IARS2: variants seen among roughly 807,000 people sequenced by gnomAD.
The protein encoded by IARS2 is isoleucyl-tRNA synthetase 2, mitochondrial, also known as isoleucine--tRNA ligase, mitochondrial.
IARS2 carries 56 observed loss-of-function variants against 126.3 expected under a neutral mutation model. The ratio of observed to expected loss-of-function variants is 0.44; its 90% CI spans 0.36 to 0.55. IARS2 has a LOEUF of 0.55. Ranked by LOEUF, IARS2 falls within the 20% of genes least tolerant of loss-of-function variation. IARS2 has a pLI of 0.00. For synonymous variants in IARS2, 407 were observed against 441.1 expected (o/e 0.92, Z 0.97); for missense variants, 1,127 against 1,245.9 (o/e 0.90, Z 1.44).
intron 21 of IARS2, 36 bp downstream of exon 21, chr1:220,143,170 G>C (rs1354941010): frequency 6.7e-7 from 1 of 1,497,868 alleles, no homozygotes; most frequent in Admixed American, 1.8e-5. Flanking sequence ...AATGGTGTTA[G>C]TATCATAGAG....
intron 20 of IARS2, among the ~76,000 whole-genome samples, 153 bp from the exon 21 acceptor site, chr1:220,142,791 G>T (rs560652533): frequency 1.3e-5 from 2 of 151,142 alleles, no homozygotes; most frequent in Non-Finnish European, 2.9e-5. Flanking sequence ...TAAATGTTTT[G>T]TAAATAATTA....
chr1:220,100,618 G>C lies in IARS2; in HGVS notation c.519G>C (p.Gln173His). The C allele has an allele frequency of 6.2e-7, 1 of 1,610,266 alleles. No homozygotes were observed. Among genetic ancestry groups the C allele is most frequent in the Non-Finnish European group, 8.5e-7 (1 of 1,177,800 alleles). The change falls in exon 3 of 23, where the codon CAG becomes CAC. Residue 173 changes from glutamine to histidine, a missense_variant. By Grantham distance (24) the Gln-to-His change is conservative. Coordinates refer to ENST00000366922, the MANE Select transcript of IARS2 (RefSeq NM_018060.4). ...TATCAGAACTTGGTAGAGAAGCTCA[G>C]AATCTTTCAGCTATGGAAATTAGAA... ...KVLSELGREA[Q>H]NLSAMEIRKK... is the part of the protein sequence containing the mutation.
chr1:220,103,240 G>T (rs945297517), intron 7 of IARS2, among the ~76,000 whole-genome samples: 1 of 152,048 alleles, frequency 6.6e-6, no homozygotes, highest in Non-Finnish European at 1.5e-5. Flanking sequence ...TAGAGATGGG[G>T]TTTCTCTATG....
At chr1:220,127,495 T>A (rs1293939156) in intron 14 of IARS2, among the ~76,000 whole-genome samples, 1 of 152,162 alleles carries the variant, frequency 6.6e-6, no homozygotes, top group African/African-American at 2.4e-5. Flanking sequence ...TGAGAAGAAA[T>A]ATTTTTAAGG....
At chr1:220,133,140 A>C (rs2102836400) in intron 14 of IARS2, among the ~76,000 whole-genome samples, 1 of 151,688 alleles carries the variant, frequency 6.6e-6, no homozygotes, top group African/African-American at 2.4e-5. Context: ...CCTCCCAAGT[A>C]GCTGGGATTA....
chr1:220,106,011 C>T lies in IARS2; in HGVS notation c.1187C>T (p.Ala396Val). ...KGTGLVHTAP[A>V]HGMEDYGVAS... is the part of the protein sequence containing the mutation. Reference sequence around the variant, plus strand: ...ACGGGATTGGTTCACACAGCCCCAGCTCATGGTATGGAAGACTACGGTGTA... The same window carrying T: ...ACGGGATTGGTTCACACAGCCCCAGTTCATGGTATGGAAGACTACGGTGTA... Residue 396 changes from alanine to valine, a missense_variant, in exon 9 of 23, where the codon GCT becomes GTT. By Grantham distance (64) the Ala-to-Val change is moderately conservative (BLOSUM62 0). Transcript: ENST00000366922. 6.2e-7 allele frequency: 1 copy of T among 1,614,134 alleles called. No individual in the cohort carries two copies. The highest frequency in any genetic ancestry group is 1.6e-4 in the Middle Eastern group (1 of 6,062).
At chr1:220,105,822 A>G in intron 8 of IARS2, 69 bp from the exon 9 acceptor site, 1 of 1,327,160 alleles carries the variant, frequency 7.5e-7, no homozygotes, top group Non-Finnish European at 1.1e-6. Flanking sequence ...CTGATACTCT[A>G]TTGCTAAGCT....
chr1:220,130,151 A>G (rs942304927), intron 14 of IARS2, among the ~76,000 whole-genome samples: 4 of 152,196 alleles, frequency 2.6e-5, no homozygotes, highest in Non-Finnish European at 5.9e-5. Flanking sequence ...GTCCATTCAT[A>G]TGACATCCTT....
intron 2 of IARS2, 47 bp from the exon 3 acceptor site, chr1:220,100,443 G>A: frequency 1.4e-6 from 2 of 1,428,142 alleles, no homozygotes; most frequent in Non-Finnish European, 1.9e-6. Flanking sequence ...GAAATACATG[G>A]CCAAATATTT....
chr1:220,125,872 C>T (rs193134771), intron 13 of IARS2, among the ~76,000 whole-genome samples: 44 of 151,668 alleles, frequency 2.9e-4, no homozygotes, highest in Middle Eastern at 3.4e-3. Context: ...TTTGGGAGGC[C>T]GAGGCGGGCA....
chr1:220,111,732 T>C (rs1656808594), intron 11 of IARS2, among the ~76,000 whole-genome samples: 1 of 152,140 alleles, frequency 6.6e-6, no homozygotes, highest in African/African-American at 2.4e-5. Flanking sequence ...AAGATACTAC[T>C]GTATTTAGCT....
intron 12 of IARS2, among the ~76,000 whole-genome samples, chr1:220,122,057 A>G (rs985005923): frequency 6.6e-6 from 1 of 152,196 alleles, no homozygotes; most frequent in Admixed American, 6.5e-5. Flanking sequence ...TGCCACTGCA[A>G]TCCAGCTTGG....
At chr1:220,096,882 T>G (rs1656454962) in intron 2 of IARS2, among the ~76,000 whole-genome samples, 1 of 151,986 alleles carries the variant, frequency 6.6e-6, no homozygotes, top group Admixed American at 6.6e-5. Flanking sequence ...CCGTCTCTAC[T>G]AAAAATACAA....
rs1391646087 is a variant in IARS2 at position 220,095,023 on chromosome 1, G to T, written c.267+540G>T. Among the ~76,000 whole-genome samples, 6 of 151,732 alleles carry T rather than the reference G, an allele frequency of 4.0e-5. No individual in the cohort carries two copies. The South Asian group carries it at 1.2e-3, about 32-fold the overall frequency. ...TATGATGAATGAAGGGGAAGTTGAA[G>T]CCCACTTCTTGGATCTTTTAGATCC... is the stretch of plus-strand genomic sequence containing the variant. On this transcript the variant is annotated intron_variant, in intron 1 of 22. Coordinates refer to ENST00000366922, the MANE Select transcript of IARS2 (RefSeq NM_018060.4).
chr1:220,110,253 T>A (rs1454559907), intron 10 of IARS2, among the ~76,000 whole-genome samples: 1 of 152,014 alleles, frequency 6.6e-6, no homozygotes, highest in Non-Finnish European at 1.5e-5. Flanking sequence ...AGAGATGGGG[T>A]TTCACCATGC....
intron 14 of IARS2, among the ~76,000 whole-genome samples, chr1:220,128,709 A>G (rs1657201858): frequency 6.6e-6 from 1 of 152,166 alleles, no homozygotes; most frequent in Non-Finnish European, 1.5e-5. Flanking sequence ...GGTATAGTGT[A>G]TTTCAAAGTG....
chr1:220,116,963 C>G (rs1297894907), intron 12 of IARS2, among the ~76,000 whole-genome samples: 2 of 151,828 alleles, frequency 1.3e-5, no homozygotes, highest in Admixed American at 6.6e-5. Flanking sequence ...CGAGGCTGGT[C>G]TCGAACTCCT....
Position 220,137,885 on chromosome 1 carries a change from A to G in IARS2, c.2050-33A>G. ...GTTCGGCTAATTGGAATTGAAAGCCATTGTGTTTATATATTTTTTTCTCAA... is the reference window on the plus strand; with the variant it reads ...GTTCGGCTAATTGGAATTGAAAGCCGTTGTGTTTATATATTTTTTTCTCAA... On this transcript the variant is annotated intron_variant, in intron 16 of 22. Transcript: ENST00000366922. The G allele has an allele frequency of 3.1e-6, 5 of 1,612,540 alleles. No homozygotes were observed. The South Asian group carries it at 3.3e-5, about 11-fold the overall frequency.
intron 1 of IARS2, among the ~76,000 whole-genome samples, chr1:220,095,292 G>A (rs1413116807): frequency 6.6e-6 from 1 of 152,170 alleles, no homozygotes; most frequent in Admixed American, 6.5e-5. Flanking sequence ...TCCCGCCTCG[G>A]CCTCCCAAAG....
Sources: allele counts gnomAD v4.1 joint callset (sites outside exome capture counted in the v4.1 genomes callset), GRCh38; gene constraint gnomAD v4.1.1; transcripts MANE v1.5; gene names NCBI Gene and HGNC (gene_info 2026-07-23, HGNC 2026-07-21).